Variants in NEK10 observed in about 807,000 individuals in gnomAD.
NEK10 encodes serine/threonine-protein kinase Nek10.
Under a neutral mutation model 159.8 loss-of-function variants are expected in NEK10, and 122 were observed. The ratio of observed to expected loss-of-function variants is 0.76; its 90% CI spans 0.66 to 0.89. The LOEUF (loss-of-function observed/expected upper bound fraction) is 0.89. Among genes scored for constraint, NEK10 ranks in the 40% least tolerant of loss-of-function variants. NEK10 has a pLI of 0.00. For synonymous variants in NEK10, 466 were observed against 457.1 expected (o/e 1.02, Z -0.25); for missense variants, 1,342 against 1,323.1 (o/e 1.01, Z -0.22).
At chr3:27,130,525 T>C (rs1160383633) in intron 32 of NEK10, among the ~76,000 whole-genome samples, 1 of 152,142 alleles carries the variant, frequency 6.6e-6, no homozygotes, top group African/African-American at 2.4e-5. Context: ...GAAGCACTGA[T>C]GGAAAATCAC....
rs150748882 is a variant in NEK10 at position 27,346,073 on chromosome 3, C to T, written c.263+13G>A. ...TAAGTTGCTGAAGACGAAGGAGATG[C>T]TGGATTTCTTACCTAAAATTTTCAA... On this transcript the variant is annotated intron_variant, in intron 4 of 35. Coordinates refer to ENST00000691995, the MANE Select transcript of NEK10 (RefSeq NM_001394966.1). The T allele has an allele frequency of 2.0e-3, 3,272 of 1,612,946 alleles. 2 individuals carry two copies. Among genetic ancestry groups the T allele is most frequent in the Non-Finnish European group, 2.6e-3 (3,114 of 1,179,114 alleles).
chr3:27,154,327 A>T (rs117305158), intron 30 of NEK10, among the ~76,000 whole-genome samples: 8 of 152,208 alleles, frequency 5.3e-5, no homozygotes, highest in Admixed American at 1.3e-4. Flanking sequence ...CAACAAAAAA[A>T]GGTCCAGGAC....
At chr3:27,286,276 CG>C (rs1431370411) in intron 20 of NEK10, among the ~76,000 whole-genome samples, 1 of 150,386 alleles carries the variant, frequency 6.6e-6, no homozygotes, top group Non-Finnish European at 1.5e-5. Flanking sequence ...TTAGTAGAGA[CG>C]GGGTTTCACC....
At chr3:27,113,324 G>A (rs1471110777) in intron 35 of NEK10, among the ~76,000 whole-genome samples, 3 of 151,436 alleles carry the variant, frequency 2.0e-5, no homozygotes, top group East Asian at 1.9e-4. Flanking sequence ...CCAGCAACTC[G>A]GGAGGCTGAG....
intron 30 of NEK10, chr3:27,162,293 T>G (rs1409521785): frequency 8.1e-7 from 1 of 1,227,238 alleles, no homozygotes; most frequent in African/African-American, 1.5e-5. Context: ...AGAAGGCATT[T>G]TGTTACCATC....
chr3:27,321,443 G>C (rs180895299), intron 6 of NEK10, among the ~76,000 whole-genome samples: 1 of 152,186 alleles, frequency 6.6e-6, no homozygotes, highest in Admixed American at 6.5e-5. Flanking sequence ...GGTAGAGGCA[G>C]GCAGATCACC....
chr3:27,304,424 G>T (rs2044073869), intron 12 of NEK10, among the ~76,000 whole-genome samples: 1 of 151,916 alleles, frequency 6.6e-6, no homozygotes, highest in Admixed American at 6.6e-5. Flanking sequence ...CAAGACAAAG[G>T]TTTTTTTTAG....
chr3:27,249,683 G>C (rs986541892), intron 23 of NEK10, among the ~76,000 whole-genome samples: 1 of 152,030 alleles, frequency 6.6e-6, no homozygotes, highest in Non-Finnish European at 1.5e-5. Context: ...GGGCCACTCT[G>C]TCTTTTGATT....
rs193045017 is a variant in NEK10 at position 27,198,977 on chromosome 3, G to C, written c.2291+2533C>G. ...AGTCCCAGCTACTCAGGAGGCTGAG[G>C]CAGGAGAATCGCTTGAACCTGGGAG... On this transcript the variant is annotated intron_variant, in intron 25 of 35. Transcript: ENST00000691995. Among the ~76,000 whole-genome samples the C allele has an allele frequency of 1.6e-3, 235 of 151,440 alleles. 2 individuals are homozygous for C. Among genetic ancestry groups the C allele is most frequent in the African/African-American group, 5.5e-3 (229 of 41,338 alleles).
At chr3:27,224,065 G>T (rs1209103461) in intron 23 of NEK10, among the ~76,000 whole-genome samples, 1 of 152,188 alleles carries the variant, frequency 6.6e-6, no homozygotes, top group African/African-American at 2.4e-5. Flanking sequence ...TACTGCATAA[G>T]GGTGGGCCCT....
At chr3:27,349,814 T>G (rs2047838264) in intron 3 of NEK10, among the ~76,000 whole-genome samples, 1 of 152,158 alleles carries the variant, frequency 6.6e-6, no homozygotes, top group African/African-American at 2.4e-5. Flanking sequence ...TTATTGGGTT[T>G]TCCTGGATTA....
At chr3:27,121,664 A>G (rs1316974430) in intron 32 of NEK10, among the ~76,000 whole-genome samples, 1 of 152,202 alleles carries the variant, frequency 6.6e-6, no homozygotes, top group Non-Finnish European at 1.5e-5. Flanking sequence ...ATGTAAGTCC[A>G]ATTAAACCTC....
rs1040575475 is a variant in NEK10, at chr3:27,280,119, A to G, written c.2014+4483T>C. Among the ~76,000 whole-genome samples, 3 of 149,640 alleles carry G rather than the reference A, an allele frequency of 2.0e-5. No individual in the cohort carries two copies. In the East Asian group the frequency reaches 5.9e-4, roughly 30 times the overall value. On this transcript the variant is annotated intron_variant, in intron 22 of 35. Coordinates refer to ENST00000691995, the MANE Select transcript of NEK10 (RefSeq NM_001394966.1). ...GGAAAAAAAAAAAAAAAAAAAAAAA[A>G]GCTGGGAGAGGGGATATTCTTTGGA... is the stretch of plus-strand genomic sequence containing the variant.
intron 25 of NEK10, among the ~76,000 whole-genome samples, chr3:27,198,742 C>A (rs917618119): frequency 2.0e-5 from 3 of 152,008 alleles, no homozygotes; most frequent in African/African-American, 7.2e-5. Context: ...TAGGCACAGG[C>A]AAAGATTTCA....
At chr3:27,270,615 G>T (rs1471761878) in intron 22 of NEK10, among the ~76,000 whole-genome samples, 1 of 152,052 alleles carries the variant, frequency 6.6e-6, no homozygotes, top group Non-Finnish European at 1.5e-5. Context: ...GTCTCACTGA[G>T]GCTACTGAGC....
At chr3:27,133,599 A>AC (rs1942858249) in intron 31 of NEK10, among the ~76,000 whole-genome samples, 3 of 152,010 alleles carry the variant, frequency 2.0e-5, no homozygotes, top group African/African-American at 7.3e-5. Context: ...ACATGGAGAA[A>AC]CCCCATCTCT....
intron 25 of NEK10, among the ~76,000 whole-genome samples, 158 bp from the exon 26 acceptor site, chr3:27,192,400 A>G (rs530631621): frequency 2.2e-4 from 33 of 152,332 alleles, no homozygotes; most frequent in African/African-American, 7.7e-4. Flanking sequence ...TTTGAGTCCA[A>G]GACTTCTCAA....
chr3:27,120,626 G>C (rs945008753), intron 32 of NEK10, among the ~76,000 whole-genome samples: 2 of 151,798 alleles, frequency 1.3e-5, no homozygotes, highest in Non-Finnish European at 2.9e-5. Flanking sequence ...CACCGCGCCT[G>C]GCCAAATAAG....
chr3:27,192,371 G>T lies in NEK10; in HGVS notation c.2292-129C>A, dbSNP rs979392564. Reference sequence around the variant, plus strand: ...TTTCACCTAAGATAACCTGGGATAAGATGGATATCAAGCACAGCTTTGAGT... The same window carrying T: ...TTTCACCTAAGATAACCTGGGATAATATGGATATCAAGCACAGCTTTGAGT... On this transcript the variant is annotated intron_variant, in intron 25 of 35. Coordinates refer to ENST00000691995, the MANE Select transcript of NEK10 (RefSeq NM_001394966.1). The T allele has an allele frequency of 1.2e-5, 8 of 673,414 alleles. No homozygotes were observed. The South Asian group carries it at 1.5e-4, about 12-fold the overall frequency. The allele number at this position is 673,414 out of a possible 1,614,324, so 41.7% of individuals were successfully genotyped here.
Sources: gnomAD v4.1 joint callset for allele counts (sites outside exome capture counted in the v4.1 genomes callset) on GRCh38, gnomAD v4.1.1 for gene constraint, MANE v1.5 for transcripts, NCBI Gene and HGNC (gene_info 2026-07-23, HGNC 2026-07-21) for gene names.